The following DCAF8L2 variants were observed in gnomAD, a reference collection of about 807,000 sequenced individuals.
DCAF8L2 encodes DDB1 and CUL4 associated factor 8 like 2.
For missense variants in DCAF8L2, 430 were observed against 490.7 expected, an observed-to-expected ratio of 0.88 and a Z score of 1.17; for synonymous variants, 200 against 190.9, an observed-to-expected ratio of 1.05 and a Z score of -0.39.
At chrX:27,510,873 T>A in the DCAF8L2 span, among the ~76,000 whole-genome samples, 2 of 111,505 alleles carry the variant, frequency 1.8e-5, no homozygotes, top group African/African-American at 6.5e-5. Context: ...AGGCAAGTGG[T>A]TCATAGAATA....
chrX:27,516,294 T>G, the DCAF8L2 span, among the ~76,000 whole-genome samples: 4 of 111,754 alleles, frequency 3.6e-5, no homozygotes, highest in Non-Finnish European at 7.5e-5. Flanking sequence ...AAATTATAAT[T>G]TCTAAAATAG....
chrX:27,682,019 A>C (rs1930346158), intron 3 of DCAF8L2, among the ~76,000 whole-genome samples: 1 of 111,526 alleles, frequency 9.0e-6, no homozygotes, highest in Non-Finnish European at 1.9e-5. Context: ...TCTAGAGTGC[A>C]GTAGTGTGAT....
intron 1 of DCAF8L2, among the ~76,000 whole-genome samples, chrX:27,596,967 T>G (rs1233271992): frequency 9.0e-6 from 1 of 111,205 alleles, no homozygotes; most frequent in Non-Finnish European, 1.9e-5. Context: ...ATAATTGTAT[T>G]TGTTTTCTGT....
the DCAF8L2 span, among the ~76,000 whole-genome samples, chrX:27,505,780 C>T: frequency 9.9e-6 from 1 of 101,203 alleles, no homozygotes; most frequent in Non-Finnish European, 2.0e-5. Context: ...TCTCTCTTGC[C>T]CTTTTGATGA....
chrX:27,709,132 G>A (rs1007954639), intron 3 of DCAF8L2, among the ~76,000 whole-genome samples: 1 of 108,535 alleles, frequency 9.2e-6, no homozygotes, highest in African/African-American at 3.4e-5. Context: ...TGTTGGTCAG[G>A]CTGGTCTTGA....
the DCAF8L2 span, among the ~76,000 whole-genome samples, chrX:27,523,641 AAGTTCT>A: frequency 9.1e-6 from 1 of 109,421 alleles, no homozygotes; most frequent in Non-Finnish European, 1.9e-5. Context: ...TTTGTACTTT[AAGTTCT>A]AGGGTACATG....
In DCAF8L2 at chrX:27,748,376, T is replaced by A; in HGVS notation, c.1481T>A (p.Ile494Asn). The change falls in exon 5 of 5, where the codon ATC becomes AAC. Residue 494 changes from isoleucine to asparagine, a missense_variant. By Grantham distance (149) the Ile-to-Asn change is moderately radical. Transcript: ENST00000451261. ...FVVSGSDCGH[I>N]FFWEKSSCQI... is the part of the protein sequence containing the mutation. The stretch of plus-strand genomic sequence containing the variant: ...GTGAGCGGTAGTGATTGCGGGCACA[T>A]CTTCTTCTGGGAGAAATCATCCTGC... The A allele has an allele frequency of 8.3e-7, 1 of 1,204,185 alleles. No homozygotes were observed. Among genetic ancestry groups the A allele is most frequent in the Non-Finnish European group, 1.1e-6 (1 of 890,991 alleles).
chrX:27,586,552 C>A (rs1330945727), upstream of DCAF8L2, among the ~76,000 whole-genome samples: 1 of 111,293 alleles, frequency 9.0e-6, no homozygotes, highest in African/African-American at 3.3e-5. Context: ...GACATGCCAC[C>A]CATTCTCACA....
intron 2 of DCAF8L2, among the ~76,000 whole-genome samples, chrX:27,661,237 C>G (rs1240480807): frequency 8.9e-6 from 1 of 112,000 alleles, no homozygotes; most frequent in Non-Finnish European, 1.9e-5. Flanking sequence ...TGCTGGAGAT[C>G]TACAGTTTAA....
chrX:27,725,894 T>C (rs1408027666), intron 4 of DCAF8L2, among the ~76,000 whole-genome samples: 1 of 111,130 alleles, frequency 9.0e-6, no homozygotes, highest in African/African-American at 3.3e-5. Context: ...GAACCGCTGT[T>C]AAAAAATAAA....
At chrX:27,547,288 TC>T in the DCAF8L2 span, among the ~76,000 whole-genome samples, 1 of 111,789 alleles carries the variant, frequency 8.9e-6, no homozygotes, top group Admixed American at 9.5e-5. Context: ...TCTCAGAAGT[TC>T]CAAACTTTCC....
chrX:27,650,094 C>T (rs1929094956), intron 2 of DCAF8L2, among the ~76,000 whole-genome samples: 2 of 111,639 alleles, frequency 1.8e-5, no homozygotes, highest in South Asian at 3.7e-4. Context: ...TGTTGAAGAT[C>T]GAATGGCTGT....
chrX:27,647,387 AAC>A (rs1225127159), intron 2 of DCAF8L2, among the ~76,000 whole-genome samples: 1 of 111,191 alleles, frequency 9.0e-6, no homozygotes, highest in Non-Finnish European at 1.9e-5. Context: ...GGTGGGGAAC[AAC>A]ACACACTGGC....
the DCAF8L2 span, among the ~76,000 whole-genome samples, chrX:27,510,774 T>C: frequency 9.0e-6 from 1 of 111,001 alleles, no homozygotes; most frequent in Non-Finnish European, 1.9e-5. Context: ...ATCCATCTGC[T>C]CAATATTTTA....
chrX:27,573,456 A>G, the DCAF8L2 span, among the ~76,000 whole-genome samples: 1 of 111,216 alleles, frequency 9.0e-6, no homozygotes, highest in Admixed American at 9.7e-5. Flanking sequence ...TTTGAAGCCA[A>G]TCTTTAGGCC....
chrX:27,471,975 G>T, the DCAF8L2 span, among the ~76,000 whole-genome samples: 2 of 110,951 alleles, frequency 1.8e-5, no homozygotes, highest in African/African-American at 3.3e-5. Context: ...TCATTAACCT[G>T]TTTTTTTTCA....
the DCAF8L2 span, among the ~76,000 whole-genome samples, chrX:27,510,600 A>G: frequency 2.5e-4 from 27 of 109,038 alleles, no homozygotes; most frequent in Non-Finnish European, 3.4e-4. Flanking sequence ...TTTTGAAATT[A>G]GAAGCAGTTT....
chrX:27,600,319 TA>T (rs1451634390), intron 1 of DCAF8L2, among the ~76,000 whole-genome samples: 1 of 112,200 alleles, frequency 8.9e-6, no homozygotes, highest in Non-Finnish European at 1.9e-5. Flanking sequence ...CAATATTAGA[TA>T]AAATGATCTG....
At chrX:27,497,549 C>CTTCTTTCTTTCT in the DCAF8L2 span, among the ~76,000 whole-genome samples, 9 of 64,442 alleles carry the variant, frequency 1.4e-4, no homozygotes, top group African/African-American at 5.3e-4. Context: ...TCCTTCCTTC[C>CTTCTTTCTTTCT]TTCTTTCTTT....
Sources: allele counts gnomAD v4.1 joint callset (sites outside exome capture counted in the v4.1 genomes callset), GRCh38; gene constraint gnomAD v4.1.1; transcripts MANE v1.5; gene names NCBI Gene and HGNC (gene_info 2026-07-23, HGNC 2026-07-21).